The following DMD variants were observed in gnomAD, a reference collection of about 807,000 sequenced individuals.
The protein encoded by DMD is dystrophin.
A neutral mutation model predicts 330.1 loss-of-function variants in DMD; 63 were observed. That is an observed-to-expected ratio of 0.19 (90% CI 0.16 to 0.24). The LOEUF (loss-of-function observed/expected upper bound fraction) is 0.24. DMD is among the 10% of genes least tolerant of loss of function. DMD has a pLI of 1.00. For missense variants in DMD, 3,344 were observed against 2,684.1 expected (o/e 1.25, Z -5.43); for synonymous variants, 1,223 against 959.8 (o/e 1.27, Z -5.07).
intron 55 of DMD, among the ~76,000 whole-genome samples, chrX:31,529,654 A>C (rs1246165701): frequency 8.9e-6 from 1 of 111,971 alleles, no homozygotes; most frequent in African/African-American, 3.2e-5. Context: ...TCTTACATTC[A>C]GGGAACGGAA....
intron 44 of DMD, among the ~76,000 whole-genome samples, chrX:31,979,252 C>T (rs1162556111): frequency 9.0e-6 from 1 of 111,400 alleles, no homozygotes; most frequent in Non-Finnish European, 1.9e-5. Flanking sequence ...GACAGGGTCT[C>T]ACTTTTTTGC....
chrX:32,991,312 T>G lies in DMD; in HGVS notation c.93+28827A>C, dbSNP rs191102219. Among the ~76,000 whole-genome samples, 168 of 111,549 alleles carry G rather than the reference T, an allele frequency of 1.5e-3. 1 individual carries two copies. Among genetic ancestry groups the G allele is most frequent in the African/African-American group, 5.1e-3 (157 of 30,899 alleles). Reference sequence around the variant, plus strand: ...TTCTTTCTACATTGAGATGAAAGTATTTTGGAGCATAAACAATACACGCTA... The same window carrying G: ...TTCTTTCTACATTGAGATGAAAGTAGTTTGGAGCATAAACAATACACGCTA... On this transcript the variant is annotated intron_variant, in intron 2 of 78. Transcript: ENST00000357033.
intron 47 of DMD, among the ~76,000 whole-genome samples, chrX:31,879,232 G>A (rs1168971660): frequency 1.9e-5 from 2 of 106,621 alleles, no homozygotes; most frequent in African/African-American, 6.8e-5. Flanking sequence ...CACAATCATG[G>A]CAGAAGGCAA....
chrX:31,243,059 T>C (rs1231006848), intron 63 of DMD, among the ~76,000 whole-genome samples: 2 of 111,634 alleles, frequency 1.8e-5, no homozygotes, highest in African/African-American at 6.5e-5. Context: ...CTTATACTTT[T>C]GTGCATTCTA....
chrX:32,519,263 TAAAAAA>T (rs201722710), intron 17 of DMD, among the ~76,000 whole-genome samples: 1 of 69,234 alleles, frequency 1.4e-5, no homozygotes, highest in Non-Finnish European at 2.9e-5. Context: ...AAGTGGAATC[TAAAAAA>T]AAAAAAAAAA....
rs181566633 is a variant in DMD, at chrX:32,621,369, C to A, written c.1332-6916G>T. Reference sequence around the variant, plus strand: ...CACAGAGATTTCTTGAGCTCTGCCCCAAATCTGAAATTTGAACACCCAGTA... The same window carrying A: ...CACAGAGATTTCTTGAGCTCTGCCCAAAATCTGAAATTTGAACACCCAGTA... On this transcript the variant is annotated intron_variant, in intron 11 of 78. Transcript: ENST00000357033. Among the ~76,000 whole-genome samples, 395 of 111,312 alleles carry A rather than the reference C, an allele frequency of 3.5e-3. 8 individuals are homozygous for A. The highest frequency in any genetic ancestry group is 0.025 in the Admixed American group (267 of 10,496).
intron 1 of DMD, among the ~76,000 whole-genome samples, chrX:33,151,138 T>G (rs1438078520): frequency 1.8e-5 from 2 of 112,552 alleles, no homozygotes; most frequent in African/African-American, 6.5e-5. Flanking sequence ...TATTTTTGAA[T>G]GGATAAACAA....
intron 11 of DMD, among the ~76,000 whole-genome samples, chrX:32,616,761 C>G (rs1417980798): frequency 1.1e-5 from 1 of 88,501 alleles, no homozygotes; most frequent in Non-Finnish European, 2.1e-5. Flanking sequence ...GCTAGGTATG[C>G]TCCTTGCTTC....
intron 47 of DMD, among the ~76,000 whole-genome samples, chrX:31,922,720 T>C (rs760761510): frequency 2.7e-5 from 3 of 111,658 alleles, no homozygotes; most frequent in Non-Finnish European, 5.6e-5. Flanking sequence ...GTGTTGACGA[T>C]TGTTACGATT....
At chrX:32,673,221 A>T (rs777986128) in intron 9 of DMD, among the ~76,000 whole-genome samples, 3 of 111,023 alleles carry the variant, frequency 2.7e-5, no homozygotes, top group African/African-American at 9.8e-5. Flanking sequence ...GAAGACAAGG[A>T]TGATAAACCT....
At chrX:32,879,021 A>AAAAAAAC (rs1352069437) in intron 2 of DMD, among the ~76,000 whole-genome samples, 2 of 101,792 alleles carry the variant, frequency 2.0e-5, no homozygotes, top group African/African-American at 3.5e-5. Context: ...AAAAAAACAA[A>AAAAAAAC]AAACAAAAAA....
intron 63 of DMD, among the ~76,000 whole-genome samples, chrX:31,254,766 G>A (rs899405667): frequency 1.2e-4 from 13 of 111,436 alleles, no homozygotes; most frequent in African/African-American, 4.2e-4. Flanking sequence ...AAGGCCAGGT[G>A]CAGTGGCTCA....
chrX:32,441,081 C>T, intron 28 of DMD, 99 bp downstream of exon 28: 5 of 928,199 alleles, frequency 5.4e-6, no homozygotes, highest in East Asian at 3.2e-5. Context: ...TAATTATACT[C>T]TCTTGGGTTG....
chrX:31,743,177 AT>A (rs1354008083), intron 51 of DMD, among the ~76,000 whole-genome samples: 1 of 112,395 alleles, frequency 8.9e-6, no homozygotes, highest in Non-Finnish European at 1.9e-5. Context: ...ACTGGCTATT[AT>A]TAAAAAGTCA....
chrX:32,851,465 G>A (rs2081130142), intron 2 of DMD, among the ~76,000 whole-genome samples: 1 of 112,327 alleles, frequency 8.9e-6, no homozygotes, highest in African/African-American at 3.2e-5. Flanking sequence ...GCTTTACTAG[G>A]AGGGAGGCAG....
chrX:32,783,373 T>TAC (rs1277169834), intron 7 of DMD, among the ~76,000 whole-genome samples: 1 of 104,713 alleles, frequency 9.5e-6, no homozygotes, highest in Admixed American at 1.0e-4. Flanking sequence ...CACATATATA[T>TAC]ACACATATAT....
intron 24 of DMD, 63 bp from the exon 25 acceptor site, chrX:32,463,657 CA>C (rs1293005071): frequency 1.0e-6 from 1 of 988,836 alleles, no homozygotes. Flanking sequence ...AGATATGAAA[CA>C]TAGCTAGAAA....
intron 62 of DMD, among the ~76,000 whole-genome samples, chrX:31,288,552 A>ATTTTATC (rs1166442602): frequency 8.9e-6 from 1 of 112,020 alleles, no homozygotes; most frequent in Non-Finnish European, 1.9e-5. Flanking sequence ...TCAGATAACC[A>ATTTTATC]AGTACAATCC....
At chrX:31,586,952 CTTT>C (rs1182833441) in intron 55 of DMD, among the ~76,000 whole-genome samples, 1 of 111,748 alleles carries the variant, frequency 8.9e-6, no homozygotes, top group African/African-American at 3.2e-5. Context: ...TGGGTATCTA[CTTT>C]TTTTATTTGA....
Sources: allele counts gnomAD v4.1 joint callset (sites outside exome capture counted in the v4.1 genomes callset), GRCh38; gene constraint gnomAD v4.1.1; transcripts MANE v1.5; gene names NCBI Gene and HGNC (gene_info 2026-07-23, HGNC 2026-07-21).